The following TGFB2 variants were observed in gnomAD, a reference collection of about 807,000 sequenced individuals.
The protein encoded by TGFB2 is transforming growth factor beta-2 proprotein.
In TGFB2, 13 loss-of-function variants were observed where a neutral mutation model predicts 42.7. The observed-to-expected ratio is 0.30, with a 90% CI of 0.20 to 0.48. The LOEUF is 0.48. Among genes scored for constraint, TGFB2 ranks in the 20% least tolerant of loss-of-function variants. The probability of loss-of-function intolerance (pLI) is 0.99; values close to 1 mark genes in which losing one functional copy is unlikely to be tolerated. For synonymous variants in TGFB2, 193 were observed against 193.6 expected, an observed-to-expected ratio of 1.00 and a Z score of 0.03; for missense variants, 390 against 517.5, an observed-to-expected ratio of 0.75 and a Z score of 2.39.
chr1:218,423,997 A>G (rs1248242986), intron 2 of TGFB2, among the ~76,000 whole-genome samples: 1 of 152,244 alleles, frequency 6.6e-6, no homozygotes, highest in East Asian at 1.9e-4. Flanking sequence ...CACTTGGCAC[A>G]GCCCTATGGC....
At chr1:218,425,657 A>C (rs1267673966) in intron 2 of TGFB2, among the ~76,000 whole-genome samples, 1 of 152,244 alleles carries the variant, frequency 6.6e-6, no homozygotes, top group Non-Finnish European at 1.5e-5. Context: ...GCTATTATTA[A>C]GGAAGACTAG....
At chr1:218,402,707 G>A (rs558436927) in intron 1 of TGFB2, among the ~76,000 whole-genome samples, 14 of 152,312 alleles carry the variant, frequency 9.2e-5, no homozygotes, top group African/African-American at 3.1e-4. Flanking sequence ...TGAAAGAGGC[G>A]GGGAAAATTG....
chr1:218,354,521 G>A (rs1005201564), intron 1 of TGFB2, among the ~76,000 whole-genome samples: 1 of 152,072 alleles, frequency 6.6e-6, no homozygotes, highest in Non-Finnish European at 1.5e-5. Flanking sequence ...TTACATATAT[G>A]TACTCTTTAA....
At chr1:218,429,699 T>A (rs1659745156) in intron 2 of TGFB2, among the ~76,000 whole-genome samples, 1 of 152,198 alleles carries the variant, frequency 6.6e-6, no homozygotes. Flanking sequence ...TTCTTTCCTA[T>A]AGGAACTTGT....
chr1:218,431,951 T>C (rs1269973207), intron 2 of TGFB2, among the ~76,000 whole-genome samples: 5 of 152,244 alleles, frequency 3.3e-5, no homozygotes, highest in Admixed American at 6.5e-5. Context: ...AGCTGTAGCT[T>C]TATGCCAACA....
rs747761067 is a variant in TGFB2, at chr1:218,346,058, A to G, written c.-644A>G. On this transcript the variant is annotated 5_prime_UTR_variant, in exon 1 of 7. Coordinates refer to ENST00000366930, the MANE Select transcript of TGFB2 (RefSeq NM_003238.6). The surrounding 1 kb of genome is among the most constrained non-coding windows in gnomAD (Gnocchi z 4.9). ...GCTCGCCCCCAGCGCGCGCACACGC[A>G]CACACACACACACACACACACACGC... Among the ~76,000 whole-genome samples, 358 of 140,918 alleles carry G rather than the reference A, an allele frequency of 2.5e-3. 3 individuals carry two copies. The highest frequency in any genetic ancestry group is 0.023 in the Middle Eastern group (6 of 260). 92.4% of individuals were successfully genotyped at this position (140,918 alleles called of 152,430 possible).
chr1:218,429,192 G>C (rs969460646), intron 2 of TGFB2, among the ~76,000 whole-genome samples: 1 of 152,016 alleles, frequency 6.6e-6, no homozygotes, highest in African/African-American at 2.4e-5. Flanking sequence ...TGTTGGCCAG[G>C]CTGGTCTCAA....
intron 1 of TGFB2, among the ~76,000 whole-genome samples, chr1:218,350,539 T>C (rs1331300859): frequency 6.6e-6 from 1 of 152,244 alleles, no homozygotes; most frequent in Non-Finnish European, 1.5e-5. Flanking sequence ...TACTGAATTC[T>C]GTTAACAGTA....
At chr1:218,424,819 T>C (rs1357251187) in intron 2 of TGFB2, among the ~76,000 whole-genome samples, 6 of 152,244 alleles carry the variant, frequency 3.9e-5, no homozygotes, top group Non-Finnish European at 1.5e-5. Flanking sequence ...ATAGTTTGCA[T>C]TAAAAGTAGT....
chr1:218,437,313 T>C, intron 5 of TGFB2, 30 bp from the exon 6 acceptor site: 4 of 1,546,174 alleles, frequency 2.6e-6, no homozygotes, highest in African/African-American at 1.4e-5. Context: ...CTTTAAAATC[T>C]CCATTGCTTT....
At chr1:218,378,857 G>A (rs2102563230) in intron 1 of TGFB2, among the ~76,000 whole-genome samples, 1 of 152,044 alleles carries the variant, frequency 6.6e-6, no homozygotes. Context: ...AGGCAGACAA[G>A]GAAAGGAGAG....
intron 2 of TGFB2, among the ~76,000 whole-genome samples, chr1:218,409,162 G>A (rs569146036): frequency 2.6e-5 from 4 of 152,230 alleles, no homozygotes; most frequent in African/African-American, 4.8e-5. Flanking sequence ...CACAGATGAA[G>A]CTTTGCTTGC....
At chr1:218,358,010 C>A (rs754502713) in intron 1 of TGFB2, among the ~76,000 whole-genome samples, 3 of 152,166 alleles carry the variant, frequency 2.0e-5, no homozygotes, top group Non-Finnish European at 4.4e-5. Context: ...CTTATCTAAC[C>A]CACACGACAC....
intron 1 of TGFB2, among the ~76,000 whole-genome samples, chr1:218,378,736 C>T (rs2799084): frequency 0.53 from 79,793 of 151,104 alleles, 21,784 homozygotes; most frequent in African/African-American, 0.64. Flanking sequence ...CCTCCTAGAG[C>T]GCTGGGATCA....
intron 1 of TGFB2, among the ~76,000 whole-genome samples, chr1:218,382,091 A>G (rs1388464461): frequency 6.6e-6 from 1 of 151,980 alleles, no homozygotes. Context: ...CCACCATTAA[A>G]GCCCTCAACT....
At chr1:218,416,021 T>C (rs1659267460) in intron 2 of TGFB2, among the ~76,000 whole-genome samples, 1 of 152,088 alleles carries the variant, frequency 6.6e-6, no homozygotes, top group African/African-American at 2.4e-5. Context: ...GTCTGATCTG[T>C]TTTCTGTTAA....
intron 4 of TGFB2, among the ~76,000 whole-genome samples, chr1:218,435,729 C>T (rs1465202777): frequency 1.3e-5 from 2 of 152,330 alleles, no homozygotes; most frequent in South Asian, 2.1e-4. Flanking sequence ...ACCAACAGCC[C>T]TGGCTTTGAC....
chr1:218,367,016 C>A (rs1054572202), intron 1 of TGFB2, among the ~76,000 whole-genome samples: 2 of 152,146 alleles, frequency 1.3e-5, no homozygotes, highest in Admixed American at 1.3e-4. Flanking sequence ...ACCACACATA[C>A]CCTCTGCTCA....
intron 1 of TGFB2, among the ~76,000 whole-genome samples, chr1:218,353,302 T>C (rs1238329692): frequency 6.6e-6 from 1 of 152,182 alleles, no homozygotes; most frequent in Non-Finnish European, 1.5e-5. Context: ...CCTCTGACAC[T>C]TCAGGGCAGG....
Sources: allele counts gnomAD v4.1 joint callset (sites outside exome capture counted in the v4.1 genomes callset), GRCh38; gene constraint gnomAD v4.1.1; non-coding constraint Gnocchi (gnomAD v3.1); transcripts MANE v1.5; gene names NCBI Gene and HGNC (gene_info 2026-07-23, HGNC 2026-07-21).